Variants in CSTF2 observed in about 807,000 individuals in gnomAD.
The protein encoded by CSTF2 is cleavage stimulation factor subunit 2.
CSTF2 carries 8 observed loss-of-function variants against 45.4 expected under a neutral mutation model. That is an observed-to-expected ratio of 0.18 (90% CI 0.10 to 0.32). The LOEUF is 0.32. CSTF2 is among the 10% of genes least tolerant of loss of function. The pLI, the probability that CSTF2 is intolerant of heterozygous loss-of-function variation, is 1.00. For missense variants in CSTF2, 253 were observed against 477.1 expected, an observed-to-expected ratio of 0.53 and a Z score of 4.38; for synonymous variants, 155 against 158.9, an observed-to-expected ratio of 0.98 and a Z score of 0.18.
chrX:100,838,500 T>G, intron 13 of CSTF2, 136 bp downstream of exon 13: 2 of 486,090 alleles, frequency 4.1e-6, no homozygotes, highest in Non-Finnish European at 6.2e-6. Context: ...TACCCTTCAG[T>G]AGGTCAGCTC....
chrX:100,821,706 A>G (rs2084918789), intron 2 of CSTF2, 101 bp downstream of exon 2: 2 of 551,168 alleles, frequency 3.6e-6, no homozygotes. Flanking sequence ...GACTTTTCAC[A>G]TACATTTTGT....
intron 13 of CSTF2, 144 bp downstream of exon 13, chrX:100,838,508 C>T: frequency 2.3e-6 from 1 of 435,352 alleles, no homozygotes; most frequent in Non-Finnish European, 3.6e-6. Context: ...AGTAGGTCAG[C>T]TCCTGTAGGG....
chrX:100,830,241 T>C (rs1481827359), intron 8 of CSTF2, among the ~76,000 whole-genome samples: 2 of 112,108 alleles, frequency 1.8e-5, no homozygotes, highest in Non-Finnish European at 3.8e-5. Context: ...TGGAGTGATA[T>C]TCTCTTTCAT....
In CSTF2 at chrX:100,837,415, G is replaced by T. The variant is rs753713851; in HGVS notation, c.1577G>T (p.Gly526Val). 2.5e-6 allele frequency: 3 copies of T among 1,208,503 alleles called. No homozygotes were observed. Among genetic ancestry groups the T allele is most frequent in the Non-Finnish European group, 3.4e-6 (3 of 893,037 alleles). ...GGSQPGGFSPGQNQVTPQDHE... is the reference protein window; with the variant it reads ...GGSQPGGFSPVQNQVTPQDHE... ...AGCCAGCCTGGCGGCTTTAGTCCCG[G>T]GCAGAACCAAGTCACTCCACAGGAT... is the stretch of plus-strand genomic sequence containing the variant. Residue 526 changes from glycine to valine, a missense_variant, in exon 12 of 14, where the codon GGG becomes GTG. This residue lies in a region of CSTF2 where 200 missense variants were observed against 294.0 expected (regional missense o/e 0.68). Coordinates refer to ENST00000372972, the MANE Select transcript of CSTF2 (RefSeq NM_001325.3).
intron 13 of CSTF2, among the ~76,000 whole-genome samples, chrX:100,839,213 C>T (rs2085026501): frequency 9.7e-6 from 1 of 103,241 alleles, no homozygotes; most frequent in Non-Finnish European, 2.0e-5. Context: ...TATGCCACTG[C>T]ACTCTAGCCT....
intron 3 of CSTF2, chrX:100,822,691 C>G: frequency 2.7e-6 from 1 of 371,869 alleles, no homozygotes; most frequent in Non-Finnish European, 4.9e-6. Context: ...CAAAACTGTT[C>G]TGGCAAGCAC....
chrX:100,824,675 C>T (rs917905419), intron 6 of CSTF2, among the ~76,000 whole-genome samples: 3 of 112,074 alleles, frequency 2.7e-5, no homozygotes, highest in African/African-American at 6.5e-5. Context: ...AAAATTGATA[C>T]ATTTGAAAAC....
chrX:100,822,427 A>G lies in CSTF2; in HGVS notation c.307+7A>G. 1 of 1,205,478 alleles carries G rather than the reference A, an allele frequency of 8.3e-7. No individual in the cohort carries two copies. Among genetic ancestry groups the G allele is most frequent in the East Asian group, 3.0e-5 (1 of 33,809 alleles). ...AACAAAGAAGAGCTGAAGAGTGAGT[A>G]CAAATCCAACTTGGATGCAGTATGA... On this transcript the variant is annotated splice_region_variant and intron_variant, in intron 3 of 13. Transcript: ENST00000372972.
At position 100,820,761 on chromosome X, in the gene CSTF2, C is replaced by T. The variant is rs750922077; in HGVS notation, c.58+287C>T. Reference sequence around the variant, plus strand: ...CTCTAGAGGAGAAGGCTCACGGTAACAGCTCCTCACTGTCCCGTACTACTT... The same window carrying T: ...CTCTAGAGGAGAAGGCTCACGGTAATAGCTCCTCACTGTCCCGTACTACTT... On this transcript the variant is annotated intron_variant, in intron 1 of 13. Transcript: ENST00000372972. 4.1e-5 allele frequency: 18 copies of T among 441,024 alleles called. No homozygotes were observed. The South Asian group carries it at 4.8e-4, about 12-fold the overall frequency. The allele number at this position is 441,024 out of a possible 1,213,427, so 36.3% of individuals were successfully genotyped here.
At chrX:100,825,496 A>G (rs1433568208) in intron 6 of CSTF2, among the ~76,000 whole-genome samples, 1 of 112,008 alleles carries the variant, frequency 8.9e-6, no homozygotes, top group Non-Finnish European at 1.9e-5. Flanking sequence ...TTATAAGATA[A>G]TGTAAATAGA....
At chrX:100,821,636 C>T in intron 2 of CSTF2, 31 bp downstream of exon 2, 1 of 1,081,798 alleles carries the variant, frequency 9.2e-7, no homozygotes, top group Non-Finnish European at 1.3e-6. Context: ...ATGGTGGGAG[C>T]TTCTTAAAAA....
intron 11 of CSTF2, among the ~76,000 whole-genome samples, chrX:100,835,858 A>G (rs934426667): frequency 3.6e-5 from 4 of 111,676 alleles, no homozygotes; most frequent in African/African-American, 9.8e-5. Context: ...TCACAATTAC[A>G]GTACCTCAGA....
In CSTF2 at chrX:100,841,121, T is replaced by A. The variant is rs1376595333; in HGVS notation, c.*411T>A. On this transcript the variant is annotated 3_prime_UTR_variant, in exon 14 of 14. Transcript: ENST00000372972. ...AGAAGCAATGTTTTCTGGAACTTGG[T>A]TTTTGTTTAGTTTGCTTCCAGTAAG... is the stretch of plus-strand genomic sequence containing the variant. Among the ~76,000 whole-genome samples, 1 of 112,384 alleles carries A rather than the reference T, an allele frequency of 8.9e-6. No individual in the cohort carries two copies. The highest frequency in any genetic ancestry group is 3.2e-5 in the African/African-American group (1 of 30,936).
At chrX:100,820,575 G>A (rs1333276405) in intron 1 of CSTF2, 101 bp downstream of exon 1, 4 of 873,663 alleles carry the variant, frequency 4.6e-6, no homozygotes, top group Non-Finnish European at 6.7e-6. Flanking sequence ...CGGACGTGCA[G>A]TTCTCCCTGC....
intron 3 of CSTF2, chrX:100,822,627 T>G (rs2084924750): frequency 2.4e-6 from 1 of 418,183 alleles, no homozygotes; most frequent in Non-Finnish European, 4.1e-6. Context: ...AGTAATTGTC[T>G]GAAATTTCTA....
chrX:100,827,136 G>C (rs2084949449), intron 7 of CSTF2, among the ~76,000 whole-genome samples: 3 of 112,053 alleles, frequency 2.7e-5, no homozygotes, highest in African/African-American at 9.7e-5. Context: ...TTGTTACTCT[G>C]CTAAATATGA....
At chrX:100,837,590 A>G in intron 12 of CSTF2, 141 bp downstream of exon 12, 1 of 409,791 alleles carries the variant, frequency 2.4e-6, no homozygotes, top group Non-Finnish European at 4.2e-6. Context: ...CTCTTTTATG[A>G]TCTTGTTACC....
chrX:100,838,105 C>T (rs186058736), intron 12 of CSTF2, 134 bp from the exon 13 acceptor site: 58 of 573,475 alleles, frequency 1.0e-4, no homozygotes, highest in African/African-American at 9.9e-4. Flanking sequence ...AAATGTTCTT[C>T]CTTTTTCCAT....
At chrX:100,827,957 A>G in intron 7 of CSTF2, 83 bp from the exon 8 acceptor site, 1 of 805,489 alleles carries the variant, frequency 1.2e-6, no homozygotes, top group East Asian at 3.3e-5. Context: ...GAATGAGGAA[A>G]TTTGTAAACT....
Sources: allele counts gnomAD v4.1 joint callset (sites outside exome capture counted in the v4.1 genomes callset), GRCh38; gene constraint gnomAD v4.1.1; regional missense constraint gnomAD v4.1.1; transcripts MANE v1.5; gene names NCBI Gene and HGNC (gene_info 2026-07-23, HGNC 2026-07-21).